Variants in LRRC4C observed in about 807,000 individuals in gnomAD.
The protein encoded by LRRC4C is leucine-rich repeat-containing protein 4C.
A neutral mutation model predicts 33.6 loss-of-function variants in LRRC4C; 5 were observed. The observed-to-expected ratio is 0.15, with a 90% CI of 0.08 to 0.31. The LOEUF (loss-of-function observed/expected upper bound fraction) is 0.31, where lower values mean the gene tolerates loss of function less well. Among genes scored for constraint, LRRC4C ranks in the 10% least tolerant of loss-of-function variants. The pLI is 1.00. For synonymous variants in LRRC4C, 329 were observed against 302.0 expected (o/e 1.09, Z -0.93); for missense variants, 560 against 796.7 (o/e 0.70, Z 3.58).
chr11:40,908,364 T>C (rs1191349571), intron 2 of LRRC4C, among the ~76,000 whole-genome samples: 1 of 152,068 alleles, frequency 6.6e-6, no homozygotes, highest in Non-Finnish European at 1.5e-5. Context: ...AATAAAATAC[T>C]AGTTAAGCAA....
intron 3 of LRRC4C, among the ~76,000 whole-genome samples, chr11:40,356,514 G>A (rs748979677): frequency 6.6e-6 from 1 of 152,152 alleles, no homozygotes; most frequent in Non-Finnish European, 1.5e-5. Flanking sequence ...GCCGCTAAGG[G>A]TAGAACTGGG....
Position 40,983,691 on chromosome 11 carries a change from C to G in LRRC4C, c.-495-49968G>C, listed in dbSNP as rs553793325. On this transcript the variant is annotated intron_variant, in intron 1 of 6. Coordinates refer to ENST00000528697, the MANE Select transcript of LRRC4C (RefSeq NM_001258419.2). ...TTAAAAAGTGGGCAAAAGACATGAACAGACACTTCTCAAAGGAAGACATAT... is the reference window on the plus strand; with the variant it reads ...TTAAAAAGTGGGCAAAAGACATGAAGAGACACTTCTCAAAGGAAGACATAT... Among the ~76,000 whole-genome samples the G allele has an allele frequency of 7.2e-5, 11 of 152,156 alleles. No homozygotes were observed. In the South Asian group the frequency reaches 2.3e-3, roughly 32 times the overall value.
intron 2 of LRRC4C, among the ~76,000 whole-genome samples, chr11:40,715,005 T>C (rs1157984321): frequency 6.6e-6 from 1 of 152,196 alleles, no homozygotes; most frequent in African/African-American, 2.4e-5. Context: ...ACCTGCTGAC[T>C]ACGGGCAGGC....
intron 1 of LRRC4C, among the ~76,000 whole-genome samples, chr11:41,003,208 A>G (rs1453303020): frequency 2.6e-5 from 4 of 152,138 alleles, no homozygotes; most frequent in African/African-American, 9.7e-5. Context: ...TGTTTTCTTG[A>G]TATTTCTTTA....
chr11:40,836,241 A>G (rs1952663413), intron 2 of LRRC4C, among the ~76,000 whole-genome samples: 1 of 152,126 alleles, frequency 6.6e-6, no homozygotes, highest in Non-Finnish European at 1.5e-5. Context: ...GTAAGAACCT[A>G]TGCCATCATA....
At chr11:41,062,001 A>G (rs1937808855) in intron 1 of LRRC4C, among the ~76,000 whole-genome samples, 1 of 152,206 alleles carries the variant, frequency 6.6e-6, no homozygotes, top group African/African-American at 2.4e-5. Context: ...AGTGAGCAAA[A>G]TCCTCTTGGT....
At chr11:40,680,843 G>A (rs1353326295) in intron 2 of LRRC4C, among the ~76,000 whole-genome samples, 1 of 152,134 alleles carries the variant, frequency 6.6e-6, no homozygotes, top group East Asian at 1.9e-4. Flanking sequence ...GCAAAATAAT[G>A]TAACTTTAAC....
At chr11:40,714,755 G>A (rs924018197) in intron 2 of LRRC4C, among the ~76,000 whole-genome samples, 2 of 152,164 alleles carry the variant, frequency 1.3e-5, no homozygotes, top group African/African-American at 4.8e-5. Context: ...GTAGAATAGA[G>A]ATGCCAAAAC....
At chr11:41,064,515 G>A (rs1336917254) in intron 1 of LRRC4C, among the ~76,000 whole-genome samples, 1 of 152,212 alleles carries the variant, frequency 6.6e-6, no homozygotes, top group East Asian at 1.9e-4. Context: ...AAGCCATAGA[G>A]AAATATAGTA....
At chr11:41,315,778 A>T (rs189392322) in intron 1 of LRRC4C, among the ~76,000 whole-genome samples, 97 of 152,340 alleles carry the variant, frequency 6.4e-4, no homozygotes, top group Non-Finnish European at 1.2e-3. Context: ...ACATGAGAAA[A>T]CAAACCTATA....
intron 1 of LRRC4C, among the ~76,000 whole-genome samples, chr11:41,244,279 T>C (rs1201307019): frequency 6.6e-6 from 1 of 152,008 alleles, no homozygotes; most frequent in East Asian, 1.9e-4. Flanking sequence ...GCTTTTAAAA[T>C]GCCAAGCAGT....
At chr11:40,721,855 G>C (rs1402676711) in intron 2 of LRRC4C, among the ~76,000 whole-genome samples, 1 of 152,100 alleles carries the variant, frequency 6.6e-6, no homozygotes, top group South Asian at 2.1e-4. Flanking sequence ...GCAGGAGAAC[G>C]GCGTGAACCC....
chr11:40,775,206 C>T (rs532962694), intron 2 of LRRC4C, among the ~76,000 whole-genome samples: 3 of 151,896 alleles, frequency 2.0e-5, no homozygotes, highest in Non-Finnish European at 4.4e-5. Context: ...GTCAGGAGAT[C>T]GAGACCATCC....
At chr11:40,405,664 T>C (rs1489850052) in intron 3 of LRRC4C, among the ~76,000 whole-genome samples, 2 of 144,718 alleles carry the variant, frequency 1.4e-5, no homozygotes, top group Non-Finnish European at 3.0e-5. Flanking sequence ...AAAATACAAC[T>C]CCTCAAAAGT....
intron 3 of LRRC4C, among the ~76,000 whole-genome samples, chr11:40,569,393 T>C (rs1374692651): frequency 6.6e-6 from 1 of 152,168 alleles, no homozygotes; most frequent in Non-Finnish European, 1.5e-5. Flanking sequence ...TATGGTCCCA[T>C]ACCTTTTACA....
At chr11:40,303,119 T>C (rs966131419) in intron 4 of LRRC4C, among the ~76,000 whole-genome samples, 2 of 152,002 alleles carry the variant, frequency 1.3e-5, no homozygotes. Context: ...ACAAAAGTTA[T>C]CCCAGAGGCA....
chr11:41,240,013 A>G (rs926890887), intron 1 of LRRC4C, among the ~76,000 whole-genome samples: 1 of 152,210 alleles, frequency 6.6e-6, no homozygotes, highest in African/African-American at 2.4e-5. Flanking sequence ...TGTGTCCAAT[A>G]TGAAAAATGA....
intron 3 of LRRC4C, among the ~76,000 whole-genome samples, chr11:40,568,129 G>A (rs532524204): frequency 6.6e-6 from 1 of 152,290 alleles, no homozygotes; most frequent in South Asian, 2.1e-4. Context: ...TGTCACTTTT[G>A]AGATTAGGTT....
At chr11:41,345,547 T>G (rs1463402747) in intron 1 of LRRC4C, among the ~76,000 whole-genome samples, 2 of 152,216 alleles carry the variant, frequency 1.3e-5, no homozygotes, top group Non-Finnish European at 2.9e-5. Context: ...TTTCCTGGTT[T>G]TCTCTTTTGA....
Sources: allele counts gnomAD v4.1 joint callset (sites outside exome capture counted in the v4.1 genomes callset), GRCh38; gene constraint gnomAD v4.1.1; transcripts MANE v1.5; gene names NCBI Gene and HGNC (gene_info 2026-07-23, HGNC 2026-07-21).